Variants in GRIK3 observed in about 807,000 individuals in gnomAD.
The protein encoded by GRIK3 is glutamate ionotropic receptor kainate type subunit 3, also known as glutamate receptor ionotropic, kainate 3.
Under a neutral mutation model 102.5 loss-of-function variants are expected in GRIK3, and 29 were observed. That is an observed-to-expected ratio of 0.28 (90% confidence interval 0.21 to 0.39). The LOEUF (loss-of-function observed/expected upper bound fraction) is 0.39. Ranked by LOEUF, GRIK3 falls within the 10% of genes least tolerant of loss-of-function variation. GRIK3 has a pLI of 1.00. For missense variants in GRIK3, 908 were observed against 1,252.4 expected (o/e 0.73, Z 4.15); for synonymous variants, 511 against 504.9 (o/e 1.01, Z -0.16).
chr1:36,936,718 G>A (rs1353477515), intron 1 of GRIK3, among the ~76,000 whole-genome samples: 3 of 152,144 alleles, frequency 2.0e-5, no homozygotes, highest in Non-Finnish European at 4.4e-5. Context: ...TGAGGTCAGG[G>A]ACTTTGTCTA....
chr1:36,846,610 C>T (rs1289206358), intron 9 of GRIK3, among the ~76,000 whole-genome samples: 2 of 152,190 alleles, frequency 1.3e-5, no homozygotes, highest in African/African-American at 4.8e-5. Context: ...GTGCTCTCAG[C>T]AGGAGGTGCT....
chr1:36,891,099 G>A lies in GRIK3; in HGVS notation c.116-3C>T, dbSNP rs919576890. 11 of 1,608,598 alleles carry A rather than the reference G, an allele frequency of 6.8e-6. No individual in the cohort carries two copies. The highest frequency in any genetic ancestry group is 2.7e-5 in the African/African-American group (2 of 74,850). ...GTCCGCATACTCGAAGATTCCTCCT[G>A]TGAAAGATGAGTAAAATTGTGTGTG... On this transcript the variant is annotated splice_polypyrimidine_tract_variant and splice_region_variant and intron_variant, in intron 1 of 15. Transcript: ENST00000373091.
At chr1:36,857,718 C>T (rs548329371) in intron 7 of GRIK3, among the ~76,000 whole-genome samples, 1 of 152,362 alleles carries the variant, frequency 6.6e-6, no homozygotes, top group Non-Finnish European at 1.5e-5. Context: ...TGTACTTGGC[C>T]TCATCTGGAA....
At chr1:36,818,253 G>A (rs561128080) in intron 12 of GRIK3, among the ~76,000 whole-genome samples, 1 of 152,300 alleles carries the variant, frequency 6.6e-6, no homozygotes, top group East Asian at 1.9e-4. Flanking sequence ...GGTGGAAGAG[G>A]AGAAGCTATT....
chr1:36,842,283 G>A lies in GRIK3; in HGVS notation c.1327-344C>T, dbSNP rs75879839. Among the ~76,000 whole-genome samples the A allele has an allele frequency of 1.6e-3, 240 of 152,292 alleles. 2 individuals carry two copies. In the East Asian group the frequency reaches 0.037, roughly 24 times the overall value. On this transcript the variant is annotated intron_variant, in intron 9 of 15. Transcript: ENST00000373091. ...GCTGCACTAGTAATAGAGGCTCAGC[G>A]TGTGGTCCCTGCACCTGCAGCATCA...
chr1:36,884,050 C>G (rs546024507), intron 2 of GRIK3, among the ~76,000 whole-genome samples: 2 of 152,304 alleles, frequency 1.3e-5, no homozygotes, highest in East Asian at 3.9e-4. Context: ...CGGGGCAGAA[C>G]AGCAGCAGTG....
chr1:37,017,314 A>T (rs1434265436), intron 1 of GRIK3, among the ~76,000 whole-genome samples: 1 of 139,832 alleles, frequency 7.2e-6, no homozygotes, highest in Non-Finnish European at 1.5e-5. Flanking sequence ...CAGGAGGATA[A>T]CTTGAGCCCA....
chr1:36,933,335 A>T (rs1339285940), intron 1 of GRIK3, among the ~76,000 whole-genome samples: 1 of 152,128 alleles, frequency 6.6e-6, no homozygotes, highest in East Asian at 1.9e-4. Context: ...AGGTGTTTTC[A>T]TCAAGGTGCT....
At chr1:37,002,116 A>G (rs1297295505) in intron 1 of GRIK3, among the ~76,000 whole-genome samples, 1 of 152,228 alleles carries the variant, frequency 6.6e-6, no homozygotes. Context: ...CAGAAGAGAA[A>G]GAAAGTACTA....
intron 10 of GRIK3, among the ~76,000 whole-genome samples, chr1:36,838,987 C>A (rs563221003): frequency 6.6e-6 from 1 of 152,252 alleles, no homozygotes; most frequent in African/African-American, 2.4e-5. Flanking sequence ...AGGCCGTGGA[C>A]GACACTCCCT....
intron 1 of GRIK3, among the ~76,000 whole-genome samples, chr1:36,958,400 C>A (rs1570824327): frequency 2.0e-5 from 1 of 49,884 alleles, no homozygotes; most frequent in Non-Finnish European, 3.4e-5. Flanking sequence ...GCCCTGTGAG[C>A]CTGTGTGCCC....
chr1:36,998,795 C>A (rs1400485428), intron 1 of GRIK3, among the ~76,000 whole-genome samples: 1 of 152,162 alleles, frequency 6.6e-6, no homozygotes, highest in Non-Finnish European at 1.5e-5. Flanking sequence ...CAGTTTGAGG[C>A]AGTAAGGAGG....
chr1:36,830,916 A>G (rs965128352), intron 10 of GRIK3, among the ~76,000 whole-genome samples: 1 of 152,110 alleles, frequency 6.6e-6, no homozygotes, highest in East Asian at 1.9e-4. Context: ...TACAAGCCAG[A>G]AGCACCAGGG....
chr1:36,930,723 A>G (rs1382473137), intron 1 of GRIK3, among the ~76,000 whole-genome samples: 2 of 152,200 alleles, frequency 1.3e-5, no homozygotes, highest in Non-Finnish European at 2.9e-5. Context: ...GGAGTGGGGT[A>G]TGGGGGAAAT....
intron 10 of GRIK3, among the ~76,000 whole-genome samples, chr1:36,827,690 A>G (rs1201686732): frequency 6.6e-6 from 1 of 152,216 alleles, no homozygotes. Flanking sequence ...ATCTTAGAAC[A>G]GGAACTAGCA....
intron 1 of GRIK3, among the ~76,000 whole-genome samples, chr1:36,937,629 G>A (rs1372748829): frequency 6.6e-6 from 1 of 151,962 alleles, no homozygotes; most frequent in African/African-American, 2.4e-5. Flanking sequence ...AGGTGACTAA[G>A]GTTTAGTTCC....
chr1:36,869,877 G>T, intron 4 of GRIK3, 76 bp from the exon 5 acceptor site: 1 of 1,100,856 alleles, frequency 9.1e-7, no homozygotes, highest in Non-Finnish European at 1.4e-6. Context: ...CCAGGGCTGA[G>T]AATGGGACTG....
chr1:36,830,578 G>C (rs1356249228), intron 10 of GRIK3, among the ~76,000 whole-genome samples: 1 of 152,144 alleles, frequency 6.6e-6, no homozygotes, highest in Admixed American at 6.5e-5. Flanking sequence ...GGGAGGCCAA[G>C]GTGGGTGGAT....
intron 1 of GRIK3, among the ~76,000 whole-genome samples, chr1:36,976,250 C>T (rs952381300): frequency 4.6e-5 from 7 of 152,258 alleles, no homozygotes; most frequent in East Asian, 1.9e-4. Flanking sequence ...GGGAGGCTCT[C>T]GACTCCTTCC....
Sources: gnomAD v4.1 joint callset for allele counts (sites outside exome capture counted in the v4.1 genomes callset) on GRCh38, gnomAD v4.1.1 for gene constraint, MANE v1.5 for transcripts, NCBI Gene and HGNC (gene_info 2026-07-23, HGNC 2026-07-21) for gene names.